The following ACOT6 variants were observed in gnomAD, a reference collection of about 807,000 sequenced individuals.
ACOT6 encodes the protein acyl-coenzyme A thioesterase 6.
Under a neutral mutation model 12.3 loss-of-function variants are expected in ACOT6, and 14 were observed. The observed-to-expected ratio is 1.14, with a 90% CI of 0.75 to 1.78. The LOEUF (loss-of-function observed/expected upper bound fraction) is 1.78, where lower values mean the gene tolerates loss of function less well. Among genes scored for constraint, ACOT6 ranks in the 40% most tolerant of loss-of-function variants. The probability of loss-of-function intolerance (pLI) is 0.00; values close to 1 mark genes in which losing one functional copy is unlikely to be tolerated. For synonymous variants in ACOT6, 218 were observed against 231.3 expected (o/e 0.94, Z 0.52); for missense variants, 523 against 551.8 (o/e 0.95, Z 0.52).
At position 73,619,275 on chromosome 14, in the gene ACOT6, A is replaced by C. The variant is rs781662746; in HGVS notation, c.702A>C (p.Gly234=). 1 of 1,605,818 alleles carries C rather than the reference A, an allele frequency of 6.2e-7. No homozygotes were observed. The highest frequency in any genetic ancestry group is 2.2e-5 in the East Asian group (1 of 44,830). ...PSIALLGFSK[G]GDLCLSMASF... ...TTGCGCTTCTTGGATTTTCCAAAGG[A>C]GGTGACCTGTGTCTCTCAATGGCTT... is the stretch of plus-strand genomic sequence containing the variant. Residue 234 remains glycine, a synonymous_variant, in exon 3 of 3, where the codon GGA becomes GGC. Coordinates refer to ENST00000645972, the MANE Select transcript of ACOT6 (RefSeq NM_001365788.1).
In ACOT6 at chr14:73,619,859, A is replaced by G; in HGVS notation, c.*20A>G. ...ATATAACATTGTAGCCACAGACCAG[A>G]TACCATTAATAAAAATCCTATTCAT... On this transcript the variant is annotated 3_prime_UTR_variant, in exon 3 of 3. Coordinates refer to ENST00000645972, the MANE Select transcript of ACOT6 (RefSeq NM_001365788.1). The G allele has an allele frequency of 6.5e-7, 1 of 1,540,364 alleles. No homozygotes were observed. The highest frequency in any genetic ancestry group is 8.7e-7 in the Non-Finnish European group (1 of 1,152,608).
intron 1 of ACOT6, among the ~76,000 whole-genome samples, chr14:73,616,333 T>A (rs1014028780): frequency 2.6e-5 from 4 of 151,632 alleles, no homozygotes; most frequent in Admixed American, 2.0e-4. Flanking sequence ...TATTATTATT[T>A]TTGAGATAGA....
At chr14:73,618,954 AC>A (rs1466425959) in intron 2 of ACOT6, among the ~76,000 whole-genome samples, 1 of 152,120 alleles carries the variant, frequency 6.6e-6, no homozygotes, top group African/African-American at 2.4e-5. Flanking sequence ...ACATGGTGAA[AC>A]CCTGTCTCTA....
chr14:73,616,415 G>A (rs1193183535), intron 1 of ACOT6, among the ~76,000 whole-genome samples: 7 of 151,936 alleles, frequency 4.6e-5, no homozygotes, highest in African/African-American at 9.7e-5. Context: ...GTTTTAGGCC[G>A]GTTGCGGTGG....
chr14:73,619,178 C>A, intron 2 of ACOT6, 56 bp from the exon 3 acceptor site: 3 of 1,509,690 alleles, frequency 2.0e-6, no homozygotes, highest in Non-Finnish European at 2.6e-6. Context: ...AAATCACTGT[C>A]TGTGTCCTCC....
Position 73,619,646 on chromosome 14 carries a change from C to T in ACOT6, c.1073C>T (p.Thr358Ile). 6.2e-7 allele frequency: 1 copy of T among 1,614,212 alleles called. No homozygotes were observed. The highest frequency in any genetic ancestry group is 8.5e-7 in the Non-Finnish European group (1 of 1,180,024). ...ERPQIICYPETGHCIDPPYFP... is the reference protein window; with the variant it reads ...ERPQIICYPEIGHCIDPPYFP... ...CCCCAGATAATCTGTTACCCAGAAA[C>T]TGGTCACTGTATTGACCCACCTTAT... Residue 358 changes from threonine (T) to isoleucine (I), a missense_variant, in exon 3 of 3, where the codon ACT (threonine) becomes ATT (isoleucine). This residue lies in a region of ACOT6 where 219 missense variants were observed against 277.0 expected (regional missense o/e 0.79). Transcript: ENST00000645972.
chr14:73,619,702 G>A lies in ACOT6; in HGVS notation c.1129G>A (p.Val377Ile), dbSNP rs759837556. ...TCCTTCTAGAGCTTCTGTGCACGCT[G>A]TTTTGGGTGAGGCAATATTCTATGG... Reference protein sequence around the residue: ...FPPSRASVHAVLGEAIFYGGE... With the variant: ...FPPSRASVHAILGEAIFYGGE... The change falls in exon 3 of 3, where the codon GTT becomes ATT. Residue 377 changes from valine (V) to isoleucine (I), a missense_variant. Transcript: ENST00000645972. 5.0e-6 allele frequency: 8 copies of A among 1,614,182 alleles called. No individual in the cohort carries two copies. The highest frequency in any genetic ancestry group is 6.8e-6 in the Non-Finnish European group (8 of 1,180,048).
intron 1 of ACOT6, among the ~76,000 whole-genome samples, chr14:73,616,183 G>C: frequency 6.6e-6 from 1 of 152,026 alleles, no homozygotes; most frequent in East Asian, 1.9e-4. Context: ...GCCCAGGCTG[G>C]TCGTGAATTC....
chr14:73,612,411 C>G, upstream of ACOT6: 1 of 455,900 alleles, frequency 2.2e-6, no homozygotes, highest in Non-Finnish European at 3.6e-6. Context: ...TGCACAAATT[C>G]TAGGCGCCCC....
chr14:73,617,765 A>C (rs796969612), intron 2 of ACOT6, among the ~76,000 whole-genome samples: 5 of 152,296 alleles, frequency 3.3e-5, no homozygotes, highest in African/African-American at 9.6e-5. Flanking sequence ...GATTATATGA[A>C]GTAATCATTA....
At chr14:73,616,840 C>G (rs918620294) in intron 1 of ACOT6, 154 bp from the exon 2 acceptor site, 2 of 550,036 alleles carry the variant, frequency 3.6e-6, no homozygotes, top group Non-Finnish European at 6.4e-6. Context: ...GTTTTTTATC[C>G]CTCTATATTA....
upstream of ACOT6, chr14:73,612,465 T>G: frequency 1.4e-6 from 1 of 727,344 alleles, no homozygotes. Flanking sequence ...CCAATGGGAG[T>G]AGTGTTAAGG....
chr14:73,617,353 A>T (rs1293117276), intron 2 of ACOT6, 161 bp downstream of exon 2: 6 of 990,334 alleles, frequency 6.1e-6, no homozygotes, highest in Non-Finnish European at 9.2e-6. Flanking sequence ...GGTGATGTGC[A>T]CCTGTAGTCC....
At position 73,616,765 on chromosome 14, in the gene ACOT6, A is replaced by G. The variant is rs557959107; in HGVS notation, c.462-229A>G. 8 of 423,552 alleles carry G rather than the reference A, an allele frequency of 1.9e-5. No homozygotes were observed. The East Asian group carries it at 2.9e-4, about 15-fold the overall frequency. The allele number at this position is 423,552 out of a possible 1,614,324, so 26.2% of individuals were successfully genotyped here. ...TTGGGGTTACACGGATGAACTGTAC[A>G]GTGATGAACGCTGAGATTTTAGTGC... On this transcript the variant is annotated intron_variant, in intron 1 of 2. Coordinates refer to ENST00000645972, the MANE Select transcript of ACOT6 (RefSeq NM_001365788.1).
rs930692031 is a variant in ACOT6 at position 73,619,476 on chromosome 14, G to A, written c.903G>A (p.Glu301=). 1 of 1,614,218 alleles carries A rather than the reference G, an allele frequency of 6.2e-7. No individual in the cohort carries two copies. The highest frequency in any genetic ancestry group is 8.5e-7 in the Non-Finnish European group (1 of 1,180,044). Residue 301 remains glutamate (E), a synonymous_variant, in exon 3 of 3, where the codon GAG becomes GAA. Transcript: ENST00000645972. ...TGGACACTTGGAGCAATCCACTGGA[G>A]GAACACAATCACCAAAGTCTTGTTC... ...TFMDTWSNPL[E]EHNHQSLVPL...
intron 2 of ACOT6, 63 bp downstream of exon 2, chr14:73,617,255 C>T (rs1890556734): frequency 6.3e-7 from 1 of 1,596,138 alleles, no homozygotes. Flanking sequence ...GGGCTGAATC[C>T]AAAAGCCCTG....
At chr14:73,618,801 A>T (rs551067425) in intron 2 of ACOT6, among the ~76,000 whole-genome samples, 3 of 152,264 alleles carry the variant, frequency 2.0e-5, no homozygotes, top group African/African-American at 7.2e-5. Context: ...TGAACTTTGC[A>T]GATTGTTGGA....
chr14:73,611,291 G>C (rs1890441099), upstream of ACOT6, among the ~76,000 whole-genome samples: 1 of 152,144 alleles, frequency 6.6e-6, no homozygotes, highest in African/African-American at 2.4e-5. Flanking sequence ...GCATTAGCAA[G>C]ATACTGAAAA....
upstream of ACOT6, chr14:73,611,616 C>T (rs72719641): frequency 0.097 from 14,828 of 152,186 alleles, 1,044 homozygotes; most frequent in Non-Finnish European, 0.14. Context: ...CAAAACAAAA[C>T]TTTCACTGGG....
Sources: allele counts gnomAD v4.1 joint callset (sites outside exome capture counted in the v4.1 genomes callset), GRCh38; gene constraint gnomAD v4.1.1; regional missense constraint gnomAD v4.1.1; transcripts MANE v1.5; gene names NCBI Gene and HGNC (gene_info 2026-07-23, HGNC 2026-07-21).